The following OSBPL10 variants were observed in gnomAD, a reference collection of about 807,000 sequenced individuals.
OSBPL10 encodes the protein oxysterol binding protein like 10.
OSBPL10 carries 49 observed loss-of-function variants against 81.7 expected under a neutral mutation model. The observed-to-expected ratio is 0.60, with a 90% CI of 0.48 to 0.76. The LOEUF is 0.76. OSBPL10 is among the 30% of genes least tolerant of loss of function. The pLI, the probability that OSBPL10 is intolerant of heterozygous loss-of-function variation, is 0.00. For missense variants in OSBPL10, 923 were observed against 987.8 expected, an observed-to-expected ratio of 0.93 and a Z score of 0.88; for synonymous variants, 419 against 383.6, an observed-to-expected ratio of 1.09 and a Z score of -1.08.
In OSBPL10 at chr3:31,830,169, C is replaced by A; in HGVS notation, c.600G>T (p.Ala200=). ...TGAGGTGTCTCTGGCTACAGGGAGACGCAGAATTGGGTGTTCCATGTGGGA... is the reference window on the plus strand; with the variant it reads ...TGAGGTGTCTCTGGCTACAGGGAGAAGCAGAATTGGGTGTTCCATGTGGGA... ...TLLPHGTPNS[A]SPCSQRHLSV... Residue 200 remains alanine (A), a synonymous_variant, in exon 4 of 12, where the codon GCG becomes GCT. Coordinates refer to ENST00000396556, the MANE Select transcript of OSBPL10 (RefSeq NM_017784.5). The A allele has an allele frequency of 6.2e-7, 1 of 1,614,126 alleles. No individual in the cohort carries two copies. The highest frequency in any genetic ancestry group is 2.2e-5 in the East Asian group (1 of 44,870).
At chr3:31,955,787 A>G (rs961183339) in intron 1 of OSBPL10, among the ~76,000 whole-genome samples, 1 of 152,178 alleles carries the variant, frequency 6.6e-6, no homozygotes, top group Non-Finnish European at 1.5e-5. Context: ...GCTACATTTC[A>G]CTGACTCCCT....
At chr3:31,898,951 CTTTTTTTT>C (rs201574850) in intron 1 of OSBPL10, among the ~76,000 whole-genome samples, 15 of 87,362 alleles carry the variant, frequency 1.7e-4, no homozygotes, top group Middle Eastern at 0.016. Context: ...AACTTTAAAC[CTTTTTTTT>C]TTTTTTTTTT....
intron 1 of OSBPL10, among the ~76,000 whole-genome samples, chr3:31,931,408 A>G (rs1255684053): frequency 3.3e-5 from 5 of 152,108 alleles, no homozygotes; most frequent in Admixed American, 3.3e-4. Context: ...ACAATTATCA[A>G]GGGTCCCCTA....
intron 7 of OSBPL10, among the ~76,000 whole-genome samples, chr3:31,691,375 C>T (rs1355429529): frequency 6.6e-6 from 1 of 152,118 alleles, no homozygotes; most frequent in Non-Finnish European, 1.5e-5. Flanking sequence ...GCAGGGAGCA[C>T]AGCTGGCCTC....
intron 4 of OSBPL10, among the ~76,000 whole-genome samples, chr3:31,755,666 A>G (rs1172342507): frequency 1.3e-5 from 2 of 152,338 alleles, no homozygotes; most frequent in East Asian, 3.9e-4. Flanking sequence ...GTGAGATGAG[A>G]GGGATGGAAC....
intron 1 of OSBPL10, among the ~76,000 whole-genome samples, chr3:32,056,226 G>C (rs1699711792): frequency 6.6e-6 from 1 of 152,056 alleles, no homozygotes; most frequent in African/African-American, 2.4e-5. Context: ...CTGCAATTTA[G>C]ACTCACCCTG....
At chr3:31,909,467 T>C (rs1010891717) in intron 1 of OSBPL10, among the ~76,000 whole-genome samples, 9 of 151,806 alleles carry the variant, frequency 5.9e-5, no homozygotes, top group Non-Finnish European at 1.0e-4. Flanking sequence ...ATGACTCTTG[T>C]GGCTAATGAA....
At chr3:32,040,571 C>G (rs1364952735) in intron 2 of OSBPL10, among the ~76,000 whole-genome samples, 1 of 152,018 alleles carries the variant, frequency 6.6e-6, no homozygotes, top group Non-Finnish European at 1.5e-5. Flanking sequence ...CACAGTGGCT[C>G]ACACCTGTAA....
At chr3:32,059,451 C>T (rs535391146) in intron 1 of OSBPL10, among the ~76,000 whole-genome samples, 4 of 151,656 alleles carry the variant, frequency 2.6e-5, no homozygotes, top group African/African-American at 4.8e-5. Flanking sequence ...ATTAGCCAGG[C>T]GTGGTGGTGG....
chr3:31,998,257 C>T (rs1465951243), intron 2 of OSBPL10, among the ~76,000 whole-genome samples: 2 of 151,902 alleles, frequency 1.3e-5, no homozygotes, highest in African/African-American at 4.8e-5. Context: ...TTTTTTGCCC[C>T]CAGATGAAAG....
At chr3:31,789,754 A>G (rs1698964859) in intron 4 of OSBPL10, among the ~76,000 whole-genome samples, 1 of 152,234 alleles carries the variant, frequency 6.6e-6, no homozygotes, top group Admixed American at 6.5e-5. Context: ...GAAGAGACTA[A>G]GACTCTCCCT....
At chr3:31,914,578 A>G (rs1228853838) in intron 1 of OSBPL10, among the ~76,000 whole-genome samples, 3 of 152,112 alleles carry the variant, frequency 2.0e-5, no homozygotes, top group Non-Finnish European at 4.4e-5. Flanking sequence ...TGGGACTCTG[A>G]TTTCCCAGTA....
chr3:31,835,419 A>G (rs1416587040), intron 3 of OSBPL10, among the ~76,000 whole-genome samples: 2 of 152,216 alleles, frequency 1.3e-5, no homozygotes, highest in South Asian at 4.1e-4. Flanking sequence ...AAAAGTTTGT[A>G]ATTGTTGAGC....
chr3:31,934,732 G>A (rs9846860), intron 1 of OSBPL10, among the ~76,000 whole-genome samples: 41,980 of 151,776 alleles, frequency 0.28, 7,005 homozygotes, highest in East Asian at 0.55. Flanking sequence ...ATTCATAAAC[G>A]TAGCATTTCC....
chr3:32,012,304 A>G (rs1279978772), intron 2 of OSBPL10, among the ~76,000 whole-genome samples: 1 of 152,224 alleles, frequency 6.6e-6, no homozygotes, highest in Non-Finnish European at 1.5e-5. Flanking sequence ...TCTTAAAGAA[A>G]AGAATTTTCA....
At chr3:31,777,561 G>T (rs1698577693) in intron 4 of OSBPL10, among the ~76,000 whole-genome samples, 1 of 152,226 alleles carries the variant, frequency 6.6e-6, no homozygotes, top group Non-Finnish European at 1.5e-5. Context: ...GAGACTCACA[G>T]TGTGGACTTT....
intron 3 of OSBPL10, among the ~76,000 whole-genome samples, chr3:31,870,443 C>T (rs1249283228): frequency 2.0e-5 from 3 of 152,236 alleles, no homozygotes; most frequent in African/African-American, 4.8e-5. Flanking sequence ...CCGACGAGCG[C>T]CGCCCCCTAC....
At chr3:31,942,394 T>C (rs1329719383) in intron 1 of OSBPL10, among the ~76,000 whole-genome samples, 1 of 100,000 alleles carries the variant, frequency 1.0e-5, no homozygotes, top group Non-Finnish European at 2.7e-5. Flanking sequence ...ATACAAAAAT[T>C]AGCTGGGTGG....
intron 1 of OSBPL10, among the ~76,000 whole-genome samples, chr3:31,927,750 T>C (rs1239998635): frequency 6.6e-6 from 1 of 152,192 alleles, no homozygotes; most frequent in East Asian, 1.9e-4. Context: ...TCATTTGGCT[T>C]TTCCAGAAAT....
Sources: gnomAD v4.1 joint callset for allele counts (sites outside exome capture counted in the v4.1 genomes callset) on GRCh38, gnomAD v4.1.1 for gene constraint, MANE v1.5 for transcripts, NCBI Gene and HGNC (gene_info 2026-07-23, HGNC 2026-07-21) for gene names.